NOSIP: variants seen among roughly 807,000 people sequenced by gnomAD.
NOSIP encodes the protein nitric oxide synthase interacting protein.
Under a neutral mutation model 36.4 loss-of-function variants are expected in NOSIP, and 25 were observed. The ratio of observed to expected loss-of-function variants is 0.69; its 90% confidence interval spans 0.50 to 0.96. The LOEUF is 0.96. NOSIP is among the 40% of genes least tolerant of loss of function. The pLI, the probability that NOSIP is intolerant of heterozygous loss-of-function variation, is 0.00. For synonymous variants in NOSIP, 187 were observed against 179.2 expected, an observed-to-expected ratio of 1.04 and a Z score of -0.35; for missense variants, 370 against 429.0, an observed-to-expected ratio of 0.86 and a Z score of 1.21.
chr19:49,556,134 C>A (rs2080237157), intron 8 of NOSIP, among the ~76,000 whole-genome samples, 183 bp downstream of exon 8: 1 of 53,556 alleles, frequency 1.9e-5, no homozygotes, highest in Admixed American at 2.4e-4. Context: ...CCTAGGAGAG[C>A]GGAGGGGGGG....
intron 1 of NOSIP, among the ~76,000 whole-genome samples, chr19:49,570,142 A>G (rs2080466318): frequency 6.6e-6 from 1 of 152,148 alleles, no homozygotes; most frequent in African/African-American, 2.4e-5. Flanking sequence ...GAACTCTTGC[A>G]GACAAAAGGC....
Position 49,560,848 on chromosome 19 carries a change from C to T in NOSIP, c.-1-156G>A, listed in dbSNP as rs1483056680. On this transcript the variant is annotated intron_variant, in intron 1 of 8. Transcript: ENST00000596358. This position sits in a 1 kb window ranked among gnomAD's most constrained non-coding sequence, Gnocchi z 4.6. Reference sequence around the variant, plus strand: ...GAAGAGAGGGAGGGCATGTGGTCGCCAGGCCTCCTCCAGGAAGTCCTCCTT... The same window carrying T: ...GAAGAGAGGGAGGGCATGTGGTCGCTAGGCCTCCTCCAGGAAGTCCTCCTT... Among the ~76,000 whole-genome samples, 1 of 152,104 alleles carries T rather than the reference C, an allele frequency of 6.6e-6. No individual in the cohort carries two copies.
In NOSIP at chr19:49,555,781, C is replaced by G. The variant is rs754527587; in HGVS notation, c.876G>C (p.Ala292=). 6.2e-7 allele frequency: 1 copy of G among 1,613,600 alleles called. No individual in the cohort carries two copies. The highest frequency in any genetic ancestry group is 8.5e-7 in the Non-Finnish European group (1 of 1,179,852). Residue 292 remains alanine, a synonymous_variant, in exon 9 of 9, where the codon GCG becomes GCC. Coordinates refer to ENST00000596358, the MANE Select transcript of NOSIP (RefSeq NM_001270960.2). ...CCTGCATCACCGGCCGTGATTTCTCCGCTTGCAGCTTCACTCCGGAGCCCG... is the reference window on the plus strand; with the variant it reads ...CCTGCATCACCGGCCGTGATTTCTCGGCTTGCAGCTTCACTCCGGAGCCCG... ...GFAGSGVKLQ[A]EKSRPVMQA
chr19:49,556,628 T>C lies in NOSIP; in HGVS notation c.646A>G (p.Thr216Ala). The change falls in exon 7 of 9, where the codon ACC becomes GCC. Residue 216 changes from threonine to alanine, a missense_variant. Around this residue, in one of 3 missense-constraint regions of NOSIP, gnomAD observed 315 missense variants for 331.9 expected, o/e 0.95. Coordinates refer to ENST00000596358, the MANE Select transcript of NOSIP (RefSeq NM_001270960.2). Reference sequence around the variant, plus strand: ...GCACACACGTAGCGCTCGCTGCGGGTGATGAGCCCCACGCGGTCCACGGAG... The same window carrying C: ...GCACACACGTAGCGCTCGCTGCGGGCGATGAGCCCCACGCGGTCCACGGAG... ...DSSVDRVGLITRSERYVCAVT... is the reference protein window; with the variant it reads ...DSSVDRVGLIARSERYVCAVT... The C allele has an allele frequency of 6.2e-7, 1 of 1,608,972 alleles. No homozygotes were observed. Among genetic ancestry groups the C allele is most frequent in the Non-Finnish European group, 8.5e-7 (1 of 1,179,706 alleles).
At chr19:49,568,123 G>A (rs1024749553) in intron 1 of NOSIP, among the ~76,000 whole-genome samples, 4 of 152,122 alleles carry the variant, frequency 2.6e-5, no homozygotes, top group Non-Finnish European at 5.9e-5. Flanking sequence ...AAACTTTGTC[G>A]GTGATGCTTA....
intron 1 of NOSIP, among the ~76,000 whole-genome samples, chr19:49,565,136 C>A (rs2080389064): frequency 6.6e-6 from 1 of 151,900 alleles, no homozygotes. Flanking sequence ...ATTAGCTGGG[C>A]ATGGTGGTGC....
At chr19:49,577,782 AAAG>A (rs1390457679) in intron 1 of NOSIP, among the ~76,000 whole-genome samples, 3 of 151,486 alleles carry the variant, frequency 2.0e-5, no homozygotes, top group African/African-American at 7.3e-5. Context: ...AAAAAAAAAA[AAAG>A]AAGTATTGAT....
chr19:49,572,377 G>A (rs1459424821), intron 1 of NOSIP, among the ~76,000 whole-genome samples: 1 of 146,992 alleles, frequency 6.8e-6, no homozygotes, highest in Non-Finnish European at 1.5e-5. Flanking sequence ...AAAGTGCTAG[G>A]ATTACAAGCA....
intron 1 of NOSIP, among the ~76,000 whole-genome samples, chr19:49,574,937 A>C (rs1245788853): frequency 7.0e-6 from 1 of 143,236 alleles, no homozygotes; most frequent in African/African-American, 2.6e-5. Flanking sequence ...ATCTCGGCTC[A>C]CTGCAAGCTC....
chr19:49,559,717 C>G, intron 3 of NOSIP: 1 of 572,904 alleles, frequency 1.7e-6, no homozygotes. Flanking sequence ...GAGCCCTACA[C>G]CCCATTAGAA....
In NOSIP at chr19:49,560,474, C is replaced by T. The variant is rs2080317728; in HGVS notation, c.70+148G>A. 1.2e-5 allele frequency: 8 copies of T among 656,352 alleles called. No homozygotes were observed. Among genetic ancestry groups the T allele is most frequent in the Non-Finnish European group, 2.2e-5 (8 of 363,584 alleles). The allele number at this position is 656,352 out of a possible 1,614,324, so 40.7% of individuals were successfully genotyped here. A position where few individuals can be genotyped will look rare whatever the true frequency, so the allele number is the denominator to read the frequency against. ...GGGCCACATGGGGTCATGGGATCAC[C>T]CAGCTGTTGTTTACATGGTCATGGC... On this transcript the variant is annotated intron_variant, in intron 2 of 8. Transcript: ENST00000596358. The surrounding 1 kb of genome is among the most constrained non-coding windows in gnomAD (Gnocchi z 4.6).
intron 1 of NOSIP, among the ~76,000 whole-genome samples, chr19:49,576,326 C>G (rs1309157771): frequency 6.6e-6 from 1 of 151,544 alleles, no homozygotes; most frequent in East Asian, 1.9e-4. Context: ...AACCCTGTCT[C>G]TACCAAAAAA....
Position 49,560,533 on chromosome 19 carries a change from G to C in NOSIP, c.70+89C>G. 1.0e-6 allele frequency: 1 copy of C among 986,330 alleles called. No individual in the cohort carries two copies. The highest frequency in any genetic ancestry group is 2.0e-5 in the Admixed American group (1 of 49,916). The allele number at this position is 986,330 out of a possible 1,614,324, so 61.1% of individuals were successfully genotyped here. On this transcript the variant is annotated intron_variant, in intron 2 of 8. Coordinates refer to ENST00000596358, the MANE Select transcript of NOSIP (RefSeq NM_001270960.2). This position sits in a 1 kb window ranked among gnomAD's most constrained non-coding sequence, Gnocchi z 4.6. ...TATATCGGGGGCGGGAGAGAGACAG[G>C]GACAGAGGAAGCAAAACCTGGGGCA...
chr19:49,570,074 A>T (rs1197567120), intron 1 of NOSIP, among the ~76,000 whole-genome samples: 1 of 151,886 alleles, frequency 6.6e-6, no homozygotes, highest in East Asian at 1.9e-4. Flanking sequence ...GTGCCAATGC[A>T]CTCCAGCCTG....
At chr19:49,565,330 C>G (rs1039114569) in intron 1 of NOSIP, among the ~76,000 whole-genome samples, 5 of 150,802 alleles carry the variant, frequency 3.3e-5, no homozygotes, top group African/African-American at 1.2e-4. Context: ...CTAGGAGGGG[C>G]ACAGGTAGCA....
intron 1 of NOSIP, among the ~76,000 whole-genome samples, chr19:49,564,730 A>G (rs1417214044): frequency 1.1e-4 from 17 of 152,132 alleles, no homozygotes; most frequent in Admixed American, 9.8e-4. Context: ...AGACACATAC[A>G]CTGCCCTATT....
intron 1 of NOSIP, among the ~76,000 whole-genome samples, chr19:49,563,238 C>A (rs2080359051): frequency 6.6e-6 from 1 of 151,584 alleles, no homozygotes; most frequent in African/African-American, 2.4e-5. Flanking sequence ...TGCAGTGGTA[C>A]AATCACAGCT....
Position 49,560,728 on chromosome 19 carries a change from C to A in NOSIP, c.-1-36G>T. The A allele has an allele frequency of 1.3e-6, 2 of 1,515,688 alleles. No individual in the cohort carries two copies. Among genetic ancestry groups the A allele is most frequent in the South Asian group, 1.2e-5 (1 of 83,934 alleles). The allele number at this position is 1,515,688 out of a possible 1,614,324, so 93.9% of individuals were successfully genotyped here. ...AGGGACAGTGGCAGGACTGTGGTTA[C>A]CGGAGGCAGGCAGCACAGGGAAGAC... On this transcript the variant is annotated intron_variant, in intron 1 of 8. Coordinates refer to ENST00000596358, the MANE Select transcript of NOSIP (RefSeq NM_001270960.2). The surrounding 1 kb of genome is among the most constrained non-coding windows in gnomAD (Gnocchi z 4.6).
Position 49,580,364 on chromosome 19 carries a change from C to G in NOSIP, c.-2+151G>C, listed in dbSNP as rs17310289. Among the ~76,000 whole-genome samples the G allele has an allele frequency of 2.4e-3, 369 of 152,064 alleles. 2 individuals carry two copies. Among genetic ancestry groups the G allele is most frequent in the Non-Finnish European group, 4.2e-3 (284 of 67,980 alleles). ...CCTCCAGCAGAGTGTAGTTCAGCTT[C>G]AAACTTGGGGCGCCCGGACAGCTGT... On this transcript the variant is annotated intron_variant, in intron 1 of 8. Coordinates refer to ENST00000596358, the MANE Select transcript of NOSIP (RefSeq NM_001270960.2).
Sources: gnomAD v4.1 joint callset for allele counts (sites outside exome capture counted in the v4.1 genomes callset) on GRCh38, gnomAD v4.1.1 for gene constraint, gnomAD v4.1.1 regional missense constraint, Gnocchi (gnomAD v3.1) non-coding constraint, MANE v1.5 for transcripts, NCBI Gene and HGNC (gene_info 2026-07-23, HGNC 2026-07-21) for gene names.